The following ASH1L variants were observed in gnomAD, a reference collection of about 807,000 sequenced individuals.
ASH1L encodes histone-lysine N-methyltransferase ASH1L.
ASH1L carries 23 observed loss-of-function variants against 269.0 expected under a neutral mutation model. The ratio of observed to expected loss-of-function variants is 0.09; its 90% CI spans 0.06 to 0.12. ASH1L has a LOEUF of 0.12. Among genes scored for constraint, ASH1L ranks in the 10% least tolerant of loss-of-function variants. ASH1L has a pLI of 1.00. For synonymous variants in ASH1L, 1,187 were observed against 1,253.5 expected (o/e 0.95, Z 1.12); for missense variants, 2,912 against 3,567.8 (o/e 0.82, Z 4.68).
intron 7 of ASH1L, among the ~76,000 whole-genome samples, chr1:155,391,261 T>C (rs562463763): frequency 7.0e-4 from 106 of 152,312 alleles, no homozygotes; most frequent in Non-Finnish European, 1.9e-4. Context: ...TTTATATTCA[T>C]ATACTTTCAA....
intron 17 of ASH1L, among the ~76,000 whole-genome samples, chr1:155,352,024 C>T (rs1453600580): frequency 6.6e-6 from 1 of 151,708 alleles, no homozygotes; most frequent in Non-Finnish European, 1.5e-5. Context: ...ATGGAATTTA[C>T]GGTGAGGGGC....
rs2148724802 is a variant in ASH1L, at chr1:155,479,842, T to C, written c.3028A>G (p.Asn1010Asp). The C allele has an allele frequency of 1.9e-6, 3 of 1,613,982 alleles. No homozygotes were observed. The highest frequency in any genetic ancestry group is 4.5e-5 in the East Asian group (2 of 44,888). ...QILSSSVESSNKGKVQSKLHN... is the reference protein window; with the variant it reads ...QILSSSVESSDKGKVQSKLHN... ...AGTTTGGATTGCACTTTCCCTTTAT[T>C]ACTTGATTCTACAGAACTTGAAAGA... Residue 1010 changes from asparagine (N) to aspartate (D), a missense_variant, in exon 3 of 28, where the codon AAT becomes GAT. By Grantham distance (23) the Asn-to-Asp change is conservative. Coordinates refer to ENST00000392403, the MANE Select transcript of ASH1L (RefSeq NM_018489.3).
chr1:155,351,369 T>C (rs1028819140), intron 17 of ASH1L, among the ~76,000 whole-genome samples: 2 of 149,240 alleles, frequency 1.3e-5, no homozygotes, highest in South Asian at 2.1e-4. Context: ...GGCTAACATG[T>C]TGAAACCCCG....
intron 12 of ASH1L, among the ~76,000 whole-genome samples, chr1:155,364,532 T>C (rs1008307689): frequency 1.3e-5 from 2 of 152,320 alleles, no homozygotes. Context: ...GGTTTTCCAA[T>C]TTAGTTTAAT....
chr1:155,548,708 C>A (rs947277871), intron 1 of ASH1L, among the ~76,000 whole-genome samples: 9 of 152,100 alleles, frequency 5.9e-5, no homozygotes, highest in African/African-American at 1.9e-4. Flanking sequence ...AAATATTTAT[C>A]CAGCAACTCA....
At chr1:155,544,943 C>T (rs1670685622) in intron 1 of ASH1L, among the ~76,000 whole-genome samples, 1 of 151,396 alleles carries the variant, frequency 6.6e-6, no homozygotes, top group South Asian at 2.1e-4. Context: ...GAGGCTGAGG[C>T]GGGCGGATCA....
intron 5 of ASH1L, chr1:155,419,307 A>G (rs1171195770): frequency 6.6e-6 from 1 of 151,978 alleles, no homozygotes; most frequent in Non-Finnish European, 1.5e-5. Flanking sequence ...CAATGTAATG[A>G]CATCAAACAG....
chr1:155,509,626 C>T (rs1032019464), intron 2 of ASH1L, among the ~76,000 whole-genome samples: 2 of 152,076 alleles, frequency 1.3e-5, no homozygotes, highest in Non-Finnish European at 1.5e-5. Flanking sequence ...TGAGGAAAGC[C>T]TGTCTCTACT....
At position 155,530,698 on chromosome 1, in the gene ASH1L, T is replaced by C. The variant is rs185618941; in HGVS notation, c.-99-9080A>G. Reference sequence around the variant, plus strand: ...TTGCAGTGAGCCAAGACTGTGCCACTGCACTCCAGCCTGGGTGACAGACCA... The same window carrying C: ...TTGCAGTGAGCCAAGACTGTGCCACCGCACTCCAGCCTGGGTGACAGACCA... On this transcript the variant is annotated intron_variant, in intron 1 of 27. Coordinates refer to ENST00000392403, the MANE Select transcript of ASH1L (RefSeq NM_018489.3). Among the ~76,000 whole-genome samples the C allele has an allele frequency of 8.3e-3, 1,259 of 151,342 alleles. 11 individuals carry two copies. Among genetic ancestry groups the C allele is most frequent in the Non-Finnish European group, 0.014 (936 of 67,862 alleles).
intron 6 of ASH1L, among the ~76,000 whole-genome samples, chr1:155,410,395 C>T (rs545463626): frequency 6.3e-4 from 96 of 152,206 alleles, no homozygotes; most frequent in Non-Finnish European, 6.8e-4. Flanking sequence ...CCTCTGCCTC[C>T]GGAGGTCAAA....
chr1:155,412,284 C>T (rs1659873737), intron 6 of ASH1L, among the ~76,000 whole-genome samples: 1 of 151,884 alleles, frequency 6.6e-6, no homozygotes, highest in South Asian at 2.1e-4. Flanking sequence ...TGACAGGTGC[C>T]TGTAATCCCA....
In ASH1L at chr1:155,480,096, T is replaced by G. The variant is rs749799276; in HGVS notation, c.2774A>C (p.Glu925Ala). ...ATESPSKLES[E>A]SDNHRSSSDF... is the part of the protein sequence containing the mutation. ...ACTGCTACTTCTATGGTTGTCACTT[T>G]CAGATTCTAGCTTGCTTGGACTTTC... The change falls in exon 3 of 28, where the codon GAA (glutamate) becomes GCA (alanine). Residue 925 changes from glutamate (E) to alanine (A), a missense_variant. Glu to Ala is a moderately radical substitution (Grantham distance 107). This residue lies in a region of ASH1L where 715 missense variants were observed against 721.0 expected (regional missense o/e 0.99). Coordinates refer to ENST00000392403, the MANE Select transcript of ASH1L (RefSeq NM_018489.3). The G allele has an allele frequency of 6.2e-6, 10 of 1,614,030 alleles. No individual in the cohort carries two copies. The East Asian group carries it at 2.2e-4, about 36-fold the overall frequency.
intron 1 of ASH1L, among the ~76,000 whole-genome samples, chr1:155,545,997 A>T (rs1670787955): frequency 6.6e-6 from 1 of 152,064 alleles, no homozygotes; most frequent in Non-Finnish European, 1.5e-5. Flanking sequence ...TCTCTACTTA[A>T]AATACAAAAA....
At chr1:155,457,775 A>C (rs1311074111) in intron 4 of ASH1L, among the ~76,000 whole-genome samples, 6 of 152,222 alleles carry the variant, frequency 3.9e-5, no homozygotes, top group Non-Finnish European at 7.3e-5. Context: ...GAATAGTCTC[A>C]TTGCAAAAGA....
At chr1:155,476,283 G>A (rs1230436877) in intron 3 of ASH1L, among the ~76,000 whole-genome samples, 2 of 152,036 alleles carry the variant, frequency 1.3e-5, no homozygotes, top group South Asian at 2.1e-4. Flanking sequence ...CTACTCGGGA[G>A]GGTGAGGCAG....
chr1:155,426,505 A>G (rs931049156), intron 5 of ASH1L, among the ~76,000 whole-genome samples: 1 of 151,486 alleles, frequency 6.6e-6, no homozygotes. Flanking sequence ...CTGGCCCATT[A>G]ATTTTTATAT....
Position 155,478,837 on chromosome 1 carries a change from C to A in ASH1L, c.4033G>T (p.Asp1345Tyr). The A allele has an allele frequency of 6.2e-7, 1 of 1,613,890 alleles. No homozygotes were observed. Among genetic ancestry groups the A allele is most frequent in the South Asian group, 1.1e-5 (1 of 91,046 alleles). ...LDPLHYIRKP[D>Y]LKKKRGRPPK... Reference sequence around the variant, plus strand: ...GGTCTCCCTCTTTTCTTTTTTAAGTCAGGTTTTCGAATGTAGTGCAAAGGG... The same window carrying A: ...GGTCTCCCTCTTTTCTTTTTTAAGTAAGGTTTTCGAATGTAGTGCAAAGGG... Residue 1345 changes from aspartate to tyrosine, a missense_variant, in exon 3 of 28, where the codon GAC becomes TAC. Physicochemically the swap from Asp to Tyr is radical, Grantham distance 160. Coordinates refer to ENST00000392403, the MANE Select transcript of ASH1L (RefSeq NM_018489.3). The surrounding 1 kb of genome is among the most constrained non-coding windows in gnomAD (Gnocchi z 4.6).
At chr1:155,404,979 G>A (rs1659148353) in intron 6 of ASH1L, among the ~76,000 whole-genome samples, 1 of 151,686 alleles carries the variant, frequency 6.6e-6, no homozygotes, top group African/African-American at 2.4e-5. Flanking sequence ...AGTAAGCTGA[G>A]ACCGCACCAC....
chr1:155,516,344 T>G (rs6664370), intron 2 of ASH1L, among the ~76,000 whole-genome samples: 1,543 of 152,324 alleles, frequency 0.01, 28 homozygotes, highest in African/African-American at 0.035. Flanking sequence ...CCAAATCTGC[T>G]GGAATGTAAG....
Sources: allele counts gnomAD v4.1 joint callset (sites outside exome capture counted in the v4.1 genomes callset), GRCh38; gene constraint gnomAD v4.1.1; regional missense constraint gnomAD v4.1.1; non-coding constraint Gnocchi (gnomAD v3.1); transcripts MANE v1.5; gene names NCBI Gene and HGNC (gene_info 2026-07-23, HGNC 2026-07-21).